Variants in SLC30A6 observed in about 807,000 individuals in gnomAD.
The protein encoded by SLC30A6 is zinc transporter 6.
SLC30A6 carries 55 observed loss-of-function variants against 63.0 expected under a neutral mutation model. That is an observed-to-expected ratio of 0.87 (90% CI 0.70 to 1.09). The LOEUF is 1.09. Among genes scored for constraint, SLC30A6 ranks in the 50% least tolerant of loss-of-function variants. The probability of loss-of-function intolerance (pLI) is 0.00; values close to 1 mark genes in which losing one functional copy is unlikely to be tolerated. For missense variants in SLC30A6, 587 were observed against 549.2 expected (o/e 1.07, Z -0.69); for synonymous variants, 224 against 186.1 (o/e 1.20, Z -1.66).
intron 13 of SLC30A6, among the ~76,000 whole-genome samples, chr2:32,212,413 CTTCTT>C (rs1439146208): frequency 6.6e-6 from 1 of 151,822 alleles, no homozygotes; most frequent in Non-Finnish European, 1.5e-5. Flanking sequence ...TTGACCCTCT[CTTCTT>C]TTCTGTTGCT....
intron 5 of SLC30A6, among the ~76,000 whole-genome samples, chr2:32,190,413 C>T (rs1011265095): frequency 3.3e-5 from 5 of 149,938 alleles, no homozygotes; most frequent in Non-Finnish European, 7.4e-5. Flanking sequence ...GAGCCAATAT[C>T]GTGTCATTGC....
chr2:32,169,986 A>G (rs747081482), intron 1 of SLC30A6, among the ~76,000 whole-genome samples: 1 of 152,206 alleles, frequency 6.6e-6, no homozygotes, highest in Non-Finnish European at 1.5e-5. Flanking sequence ...CTCATTGTGT[A>G]TAGAGAAAAT....
chr2:32,216,540 A>G (rs1004783377), intron 13 of SLC30A6, among the ~76,000 whole-genome samples: 1 of 99,496 alleles, frequency 1.0e-5, no homozygotes, highest in Non-Finnish European at 2.0e-5. Context: ...TCTCAAAATA[A>G]ATAAATAAAT....
chr2:32,204,330 C>T (rs1341230788), intron 10 of SLC30A6, among the ~76,000 whole-genome samples: 1 of 152,036 alleles, frequency 6.6e-6, no homozygotes, highest in African/African-American at 2.4e-5. Context: ...GGGGAAATGT[C>T]CACATTTTTT....
At chr2:32,179,298 C>T (rs975831548) in intron 4 of SLC30A6, among the ~76,000 whole-genome samples, 1 of 152,016 alleles carries the variant, frequency 6.6e-6, no homozygotes, top group Non-Finnish European at 1.5e-5. Flanking sequence ...ATTTATGCTG[C>T]AGATATATTC....
At chr2:32,179,261 T>G (rs1682072923) in intron 4 of SLC30A6, among the ~76,000 whole-genome samples, 1 of 152,200 alleles carries the variant, frequency 6.6e-6, no homozygotes, top group Admixed American at 6.5e-5. Context: ...GCCCATAACC[T>G]TAAACGTAGC....
chr2:32,181,933 CTTTT>C (rs34589397), intron 4 of SLC30A6, among the ~76,000 whole-genome samples: 2 of 122,918 alleles, frequency 1.6e-5, no homozygotes, highest in Non-Finnish European at 1.7e-5. Flanking sequence ...TTTTTCTTTT[CTTTT>C]TTTTTTTTTT....
chr2:32,208,589 GA>G (rs1207806988), intron 12 of SLC30A6, among the ~76,000 whole-genome samples: 118 of 151,638 alleles, frequency 7.8e-4, no homozygotes, highest in African/African-American at 2.8e-3. Flanking sequence ...CAAATGCTGT[GA>G]TTTTTTTTTT....
intron 10 of SLC30A6, among the ~76,000 whole-genome samples, chr2:32,200,382 G>C (rs892772906): frequency 6.6e-6 from 1 of 151,922 alleles, no homozygotes; most frequent in Non-Finnish European, 1.5e-5. Context: ...AACGGGCCAC[G>C]ATGACAATGG....
chr2:32,197,878 T>G, intron 10 of SLC30A6, 52 bp downstream of exon 10: 4 of 1,603,164 alleles, frequency 2.5e-6, no homozygotes, highest in Non-Finnish European at 3.4e-6. Flanking sequence ...GGGACTTACT[T>G]TTAAGGGCAT....
chr2:32,173,768 A>G (rs1259786221), intron 2 of SLC30A6, among the ~76,000 whole-genome samples: 2 of 152,186 alleles, frequency 1.3e-5, no homozygotes, highest in African/African-American at 4.8e-5. Context: ...ATATGTACTT[A>G]TAGAGACAAA....
chr2:32,165,915 G>T lies in SLC30A6; in HGVS notation c.3+12G>T, dbSNP rs1229002309. 3 of 1,614,076 alleles carry T rather than the reference G, an allele frequency of 1.9e-6. No homozygotes were observed. The highest frequency in any genetic ancestry group is 4.5e-5 in the East Asian group (2 of 44,886). On this transcript the variant is annotated intron_variant, in intron 1 of 13. Coordinates refer to ENST00000282587, the MANE Select transcript of SLC30A6 (RefSeq NM_017964.5). ...AGCTCCTTATCATGGTGAGTTGGCT[G>T]TTGGGGTGAGGGTTTCGGCTGTAGC...
chr2:32,211,934 T>C (rs1450867660), intron 13 of SLC30A6, among the ~76,000 whole-genome samples: 2 of 152,206 alleles, frequency 1.3e-5, no homozygotes, highest in Admixed American at 6.6e-5. Flanking sequence ...GTGCACGCTT[T>C]TGATAATGCT....
chr2:32,193,875 G>C lies in SLC30A6; in HGVS notation c.402-14G>C. 4 of 1,594,634 alleles carry C rather than the reference G, an allele frequency of 2.5e-6. No homozygotes were observed. The highest frequency in any genetic ancestry group is 8.6e-7 in the Non-Finnish European group (1 of 1,163,396). ...GAACAAATTAAAGGTGAATGTTATCGTTGTTCTTTTTAGGGGAAGATTATT... is the reference window on the plus strand; with the variant it reads ...GAACAAATTAAAGGTGAATGTTATCCTTGTTCTTTTTAGGGGAAGATTATT... On this transcript the variant is annotated splice_polypyrimidine_tract_variant and intron_variant, in intron 7 of 13. Transcript: ENST00000282587.
chr2:32,167,696 A>T (rs1680810030), intron 1 of SLC30A6, among the ~76,000 whole-genome samples: 1 of 152,216 alleles, frequency 6.6e-6, no homozygotes, highest in Non-Finnish European at 1.5e-5. Context: ...TTTGTTACAT[A>T]AAGCTGCACA....
intron 13 of SLC30A6, among the ~76,000 whole-genome samples, chr2:32,210,161 C>G (rs2148895661): frequency 6.6e-6 from 1 of 152,260 alleles, no homozygotes; most frequent in Middle Eastern, 3.4e-3. Flanking sequence ...ATAATCTTAT[C>G]ATCTAAAGAA....
intron 4 of SLC30A6, among the ~76,000 whole-genome samples, chr2:32,179,014 C>A (rs1352646011): frequency 3.9e-5 from 6 of 152,232 alleles, no homozygotes; most frequent in African/African-American, 1.4e-4. Flanking sequence ...CTTGTGCCAC[C>A]ACACCTGCCT....
chr2:32,207,408 G>T (rs973050954), intron 12 of SLC30A6, among the ~76,000 whole-genome samples: 5 of 151,110 alleles, frequency 3.3e-5, no homozygotes, highest in African/African-American at 1.2e-4. Flanking sequence ...ACAGAGTCTT[G>T]CTCTGTCGCC....
Position 32,193,902 on chromosome 2 carries a change from G to A in SLC30A6, c.415G>A (p.Val139Ile). Residue 139 changes from valine (V) to isoleucine (I), a missense_variant, in exon 8 of 14, where the codon GTT (valine) becomes ATT (isoleucine). Physicochemically the swap from Val to Ile is conservative, Grantham distance 29. Coordinates refer to ENST00000282587, the MANE Select transcript of SLC30A6 (RefSeq NM_017964.5). The stretch of plus-strand genomic sequence containing the variant: ...TGTTCTTTTTAGGGGAAGATTATTA[G>A]TTGGTACTTTTGTGGCTCTTTGTTT... The part of the protein sequence containing the change: ...QPEIHTGRLL[V>I]GTFVALCFNL... The A allele has an allele frequency of 3.1e-6, 5 of 1,613,012 alleles. No individual in the cohort carries two copies. In the South Asian group the frequency reaches 5.5e-5, roughly 18 times the overall value.
Sources: allele counts gnomAD v4.1 joint callset (sites outside exome capture counted in the v4.1 genomes callset), GRCh38; gene constraint gnomAD v4.1.1; transcripts MANE v1.5; gene names NCBI Gene and HGNC (gene_info 2026-07-23, HGNC 2026-07-21).